Variants in PIEZO2 observed in about 807,000 individuals in gnomAD.
PIEZO2 encodes the protein piezo type mechanosensitive ion channel component 2.
Under a neutral mutation model 337.3 loss-of-function variants are expected in PIEZO2, and 172 were observed. The ratio of observed to expected loss-of-function variants is 0.51; its 90% CI spans 0.45 to 0.58. PIEZO2 has a LOEUF of 0.58. PIEZO2 is among the 20% of genes least tolerant of loss of function. PIEZO2 has a pLI of 0.00. For synonymous variants in PIEZO2, 1,251 were observed against 1,228.5 expected (o/e 1.02, Z -0.38); for missense variants, 3,028 against 3,391.3 (o/e 0.89, Z 2.66).
At chr18:10,689,891 CT>C in intron 48 of PIEZO2, 89 bp from the exon 49 acceptor site, 3 of 1,457,120 alleles carry the variant, frequency 2.1e-6, no homozygotes, top group Non-Finnish European at 2.8e-6. Context: ...TCCTTAACTG[CT>C]TTAACCTCAT....
chr18:11,082,603 T>C (rs952025671), intron 1 of PIEZO2, among the ~76,000 whole-genome samples: 3 of 152,044 alleles, frequency 2.0e-5, no homozygotes, highest in Non-Finnish European at 2.9e-5. Context: ...AGGCGTGATG[T>C]TTCACATATT....
chr18:10,801,391 T>C lies in PIEZO2; in HGVS notation c.1238A>G (p.Asp413Gly), dbSNP rs969641532. 1 of 1,493,328 alleles carries C rather than the reference T, an allele frequency of 6.7e-7. No homozygotes were observed. The highest frequency in any genetic ancestry group is 2.0e-5 in the Admixed American group (1 of 50,936). 92.5% of individuals were successfully genotyped at this position (1,493,328 alleles called of 1,614,324 possible). Residue 413 changes from aspartate to glycine, a missense_variant and splice_region_variant, in exon 10 of 56, where the codon GAT (aspartate) becomes GGT (glycine). Transcript: ENST00000674853. ...TGATAATTCTAAGGGTATACTAACA[T>C]CAGATGGTTTGTAGTCATCCTGGGT... ...SMTQDDYKPS[D>G]GLLVTVNGNP... is the part of the protein sequence containing the mutation.
In PIEZO2 at chr18:10,794,930, G is replaced by A; in HGVS notation, c.1600C>T (p.Arg534Cys). The A allele has an allele frequency of 6.5e-7, 1 of 1,545,008 alleles. No individual in the cohort carries two copies. The highest frequency in any genetic ancestry group is 8.7e-7 in the Non-Finnish European group (1 of 1,146,922). Residue 534 changes from arginine (R) to cysteine (C), a missense_variant, in exon 13 of 56, where the codon CGC (arginine) becomes TGC (cysteine). Arg to Cys is a radical substitution (Grantham distance 180). Coordinates refer to ENST00000674853, the MANE Select transcript of PIEZO2 (RefSeq NM_001378183.1). This position sits in a 1 kb window ranked among gnomAD's most constrained non-coding sequence, Gnocchi z 6.6. ...LIWSCTLWMI[R>C]NRRKYAMISS... ...ATCATGGCATATTTTCTTCTGTTGC[G>A]AATCATCCAAAGAGTGCACGACCAG... is the stretch of plus-strand genomic sequence containing the variant.
chr18:11,017,613 A>T (rs2036162261), intron 2 of PIEZO2, among the ~76,000 whole-genome samples: 1 of 151,980 alleles, frequency 6.6e-6, no homozygotes, highest in South Asian at 2.1e-4. Flanking sequence ...CTCAGAGTTT[A>T]TGGGTGTTGT....
At chr18:10,706,221 T>TA (rs2035579981) in intron 40 of PIEZO2, among the ~76,000 whole-genome samples, 1 of 152,136 alleles carries the variant, frequency 6.6e-6, no homozygotes. Flanking sequence ...ACCCAGACCA[T>TA]AAGGGGGGAA....
intron 3 of PIEZO2, among the ~76,000 whole-genome samples, chr18:10,932,047 A>G (rs1377401563): frequency 1.3e-5 from 2 of 152,216 alleles, no homozygotes; most frequent in African/African-American, 4.8e-5. Context: ...CAAACTTATA[A>G]CTAAAAATGT....
At position 10,783,446 on chromosome 18, in the gene PIEZO2, G is replaced by C. The variant is rs1025745316; in HGVS notation, c.2492+1338C>G. 1.3e-5 allele frequency among the ~76,000 whole-genome samples: 2 copies of C among 152,052 alleles called. No homozygotes were observed. The highest frequency in any genetic ancestry group is 4.8e-5 in the African/African-American group (2 of 41,396). On this transcript the variant is annotated intron_variant, in intron 17 of 55. Coordinates refer to ENST00000674853, the MANE Select transcript of PIEZO2 (RefSeq NM_001378183.1). This position sits in a 1 kb window ranked among gnomAD's most constrained non-coding sequence, Gnocchi z 4.3. ...ATTCTCTTTGTAAACTTTTAAACTT[G>C]GGGTGATTTTCCCTCCCATCAAGTT...
Position 10,750,190 on chromosome 18 carries a change from G to T in PIEZO2, c.4168-3C>A. The T allele has an allele frequency of 6.5e-7, 1 of 1,534,672 alleles. No homozygotes were observed. Among genetic ancestry groups the T allele is most frequent in the South Asian group, 1.2e-5 (1 of 83,942 alleles). ...CCAATGTATCCACATGCTCCTATCT[G>T]AAAAACAAAAGAGGGGGATAATCCT... On this transcript the variant is annotated splice_polypyrimidine_tract_variant and splice_region_variant and intron_variant, in intron 28 of 55. Transcript: ENST00000674853. The surrounding 1 kb of genome is among the most constrained non-coding windows in gnomAD (Gnocchi z 4.1).
chr18:11,053,845 G>T (rs908859806), intron 2 of PIEZO2, among the ~76,000 whole-genome samples: 1 of 151,638 alleles, frequency 6.6e-6, no homozygotes, highest in African/African-American at 2.4e-5. Flanking sequence ...GTAAAACCCC[G>T]TCTCTACTAA....
intron 49 of PIEZO2, among the ~76,000 whole-genome samples, chr18:10,684,800 G>C (rs2034474142): frequency 6.6e-6 from 1 of 152,112 alleles, no homozygotes; most frequent in South Asian, 2.1e-4. Context: ...TCCCCTTCCT[G>C]TCCTGCGCTG....
intron 1 of PIEZO2, among the ~76,000 whole-genome samples, chr18:11,073,586 C>A (rs900463): frequency 0.52 from 78,627 of 151,938 alleles, 22,330 homozygotes; most frequent in East Asian, 0.97. Context: ...AAACTAAAAA[C>A]TAAATAAAAT....
intron 7 of PIEZO2, among the ~76,000 whole-genome samples, chr18:10,844,526 C>T (rs1020488475): frequency 3.3e-5 from 5 of 152,010 alleles, no homozygotes; most frequent in South Asian, 2.1e-4. Flanking sequence ...CGGTGGCTCA[C>T]GCCTGTAATG....
At chr18:10,720,329 T>TA (rs2036219399) in intron 36 of PIEZO2, among the ~76,000 whole-genome samples, 1 of 134,762 alleles carries the variant, frequency 7.4e-6, no homozygotes, top group Non-Finnish European at 1.6e-5. Flanking sequence ...ATATATATAA[T>TA]ATATATATCT....
Position 11,032,741 on chromosome 18 carries a change from A to G in PIEZO2, c.160+33386T>C, listed in dbSNP as rs1405603334. Reference sequence around the variant, plus strand: ...TGTGTGAATATGTGCACACATACAGATGTAGAGTTTTCTAGACAAAGGACA... The same window carrying G: ...TGTGTGAATATGTGCACACATACAGGTGTAGAGTTTTCTAGACAAAGGACA... On this transcript the variant is annotated intron_variant, in intron 2 of 55. Transcript: ENST00000674853. This position sits in a 1 kb window ranked among gnomAD's most constrained non-coding sequence, Gnocchi z 4.9. Among the ~76,000 whole-genome samples, 2 of 152,204 alleles carry G rather than the reference A, an allele frequency of 1.3e-5. 1 individual carries two copies. The highest frequency in any genetic ancestry group is 2.9e-5 in the Non-Finnish European group (2 of 68,038).
rs374402034 is a variant in PIEZO2, at chr18:10,850,712, T to C, written c.917+4641A>G. Reference sequence around the variant, plus strand: ...AAATACAGCAAATTATAAAATAGTATGTGCAATATGATTCAAAATTTGTTT... The same window carrying C: ...AAATACAGCAAATTATAAAATAGTACGTGCAATATGATTCAAAATTTGTTT... On this transcript the variant is annotated intron_variant, in intron 7 of 55. Transcript: ENST00000674853. The surrounding 1 kb of genome is among the most constrained non-coding windows in gnomAD (Gnocchi z 4.5). Among the ~76,000 whole-genome samples the C allele has an allele frequency of 2.0e-5, 3 of 152,314 alleles. No individual in the cohort carries two copies. Among genetic ancestry groups the C allele is most frequent in the Admixed American group, 6.5e-5 (1 of 15,290 alleles).
At chr18:10,947,172 A>G (rs1431015757) in intron 3 of PIEZO2, among the ~76,000 whole-genome samples, 3 of 152,198 alleles carry the variant, frequency 2.0e-5, no homozygotes, top group Non-Finnish European at 2.9e-5. Flanking sequence ...CTGTAGAAAA[A>G]AAGCAGAAAA....
intron 33 of PIEZO2, among the ~76,000 whole-genome samples, chr18:10,737,153 G>A (rs866342097): frequency 6.6e-5 from 10 of 151,954 alleles, no homozygotes; most frequent in African/African-American, 1.9e-4. Context: ...GGCCCAAACC[G>A]TTGCAGATAA....
rs1283742275 is a variant in PIEZO2 at position 11,111,552 on chromosome 18, A to G, written c.64+36973T>C. On this transcript the variant is annotated intron_variant, in intron 1 of 55. Transcript: ENST00000674853. This position sits in a 1 kb window ranked among gnomAD's most constrained non-coding sequence, Gnocchi z 6.2. The stretch of plus-strand genomic sequence containing the variant: ...ATCTGTGATGCCGTGGCCATTCTCT[A>G]TACCACCTTCAGGGCCCGCCCTGCC... Among the ~76,000 whole-genome samples the G allele has an allele frequency of 6.6e-6, 1 of 152,102 alleles. No homozygotes were observed. The highest frequency in any genetic ancestry group is 1.5e-5 in the Non-Finnish European group (1 of 68,012).
chr18:10,968,152 C>T (rs775204890), intron 3 of PIEZO2, among the ~76,000 whole-genome samples: 1 of 152,112 alleles, frequency 6.6e-6, no homozygotes, highest in Non-Finnish European at 1.5e-5. Flanking sequence ...AATCCAGTTT[C>T]ATTCTTCTAC....
Sources: allele counts gnomAD v4.1 joint callset (sites outside exome capture counted in the v4.1 genomes callset), GRCh38; gene constraint gnomAD v4.1.1; non-coding constraint Gnocchi (gnomAD v3.1); transcripts MANE v1.5; gene names NCBI Gene and HGNC (gene_info 2026-07-23, HGNC 2026-07-21).